Variants in ROS1 observed in about 807,000 individuals in gnomAD.
ROS1 encodes proto-oncogene tyrosine-protein kinase ROS.
In ROS1, 263 loss-of-function variants were observed where a neutral mutation model predicts 273.5. The ratio of observed to expected loss-of-function variants is 0.96; its 90% confidence interval spans 0.87 to 1.06. The LOEUF is 1.06. Ranked by LOEUF, ROS1 falls within the 50% of genes least tolerant of loss-of-function variation. The pLI is 0.00. For missense variants in ROS1, 2,833 were observed against 2,751.1 expected, an observed-to-expected ratio of 1.03 and a Z score of -0.67; for synonymous variants, 1,008 against 954.1, an observed-to-expected ratio of 1.06 and a Z score of -1.04.
chr6:117,413,166 A>AT (rs1775062041), intron 4 of ROS1, among the ~76,000 whole-genome samples: 2 of 152,270 alleles, frequency 1.3e-5, no homozygotes, highest in South Asian at 4.1e-4. Context: ...TTAAGAGGGA[A>AT]TTTTTTCTGT....
At position 117,341,644 on chromosome 6, in the gene ROS1, A is replaced by G; in HGVS notation, c.4652-12T>C. On this transcript the variant is annotated splice_polypyrimidine_tract_variant and intron_variant, in intron 29 of 43. Transcript: ENST00000368507. The stretch of plus-strand genomic sequence containing the variant: ...CACTGCCTCTGGTACTGAAATAAAT[A>G]GCAAGGAATGATAAAGGATGCTGCA... 9 of 1,591,262 alleles carry G rather than the reference A, an allele frequency of 5.7e-6. No homozygotes were observed. The highest frequency in any genetic ancestry group is 7.8e-6 in the Non-Finnish European group (9 of 1,159,792).
chr6:117,395,197 T>G (rs1203852903), intron 9 of ROS1, among the ~76,000 whole-genome samples: 1 of 152,154 alleles, frequency 6.6e-6, no homozygotes, highest in Admixed American at 6.5e-5. Flanking sequence ...GGAATGACAT[T>G]GGAAGGCTGC....
intron 18 of ROS1, among the ~76,000 whole-genome samples, chr6:117,367,737 A>T (rs1217245831): frequency 6.6e-6 from 1 of 152,212 alleles, no homozygotes; most frequent in Non-Finnish European, 1.5e-5. Flanking sequence ...TGAACCATCT[A>T]TTAAATGTGG....
At chr6:117,343,251 T>C (rs575570421) in intron 28 of ROS1, among the ~76,000 whole-genome samples, 2 of 152,320 alleles carry the variant, frequency 1.3e-5, no homozygotes, top group East Asian at 3.9e-4. Flanking sequence ...TGAAATTACT[T>C]ATTTTAGAAA....
intron 28 of ROS1, among the ~76,000 whole-genome samples, chr6:117,342,903 TA>T (rs990303087): frequency 1.3e-5 from 2 of 152,186 alleles, no homozygotes; most frequent in African/African-American, 4.8e-5. Context: ...ATTTTTATAG[TA>T]TCTAATCACT....
chr6:117,340,930 C>G (rs1777863189), intron 31 of ROS1, among the ~76,000 whole-genome samples: 1 of 151,950 alleles, frequency 6.6e-6, no homozygotes, highest in Admixed American at 6.6e-5. Context: ...TTACATAAAG[C>G]CTTTTAAAAG....
intron 39 of ROS1, among the ~76,000 whole-genome samples, chr6:117,312,216 C>T (rs1003344942): frequency 4.6e-5 from 7 of 152,088 alleles, no homozygotes; most frequent in African/African-American, 1.7e-4. Flanking sequence ...GAATGTGCTC[C>T]TGTTTCTTGA....
intron 7 of ROS1, 110 bp downstream of exon 7, chr6:117,403,029 T>C: frequency 1.6e-6 from 2 of 1,237,922 alleles, no homozygotes; most frequent in Non-Finnish European, 1.2e-6. Context: ...AGTTGTTGAA[T>C]GGATCGATTA....
chr6:117,290,363 T>C (rs1043609717), intron 43 of ROS1, among the ~76,000 whole-genome samples: 1 of 152,242 alleles, frequency 6.6e-6, no homozygotes, highest in African/African-American at 2.4e-5. Context: ...CAGCAATTAG[T>C]ACATCTTCTT....
At chr6:117,332,216 T>G (rs943085446) in intron 32 of ROS1, among the ~76,000 whole-genome samples, 2 of 148,718 alleles carry the variant, frequency 1.3e-5, no homozygotes, top group Admixed American at 6.7e-5. Context: ...CAAAACAGAC[T>G]TTAAACCAAC....
In ROS1 at chr6:117,356,630, G is replaced by A. The variant is rs745716185; in HGVS notation, c.4125C>T (p.Leu1375=). 2.0e-5 allele frequency: 32 copies of A among 1,608,854 alleles called. No homozygotes were observed. The East Asian group carries it at 2.0e-4, about 10-fold the overall frequency. The change falls in exon 26 of 44, where the codon CTC becomes CTT. Residue 1375 remains leucine (L), a splice_region_variant and synonymous_variant. Coordinates refer to ENST00000368507, the MANE Select transcript of ROS1 (RefSeq NM_001378902.1). ...CWRVITVPAM[L]GKTLVSLTVD... ...TGTGCACATACATCAGCATCTTACCGAGCATAGCAGGTACTGTGATAACTC... is the reference window on the plus strand; with the variant it reads ...TGTGCACATACATCAGCATCTTACCAAGCATAGCAGGTACTGTGATAACTC...
chr6:117,389,719 C>T lies in ROS1; in HGVS notation c.1417G>A (p.Ala473Thr), dbSNP rs1476515066. The change falls in exon 13 of 44, where the codon GCC becomes ACC. Residue 473 changes from alanine (A) to threonine (T), a missense_variant. Physicochemically the swap from Ala to Thr is moderately conservative, Grantham distance 58. Transcript: ENST00000368507. ...TLKDFAIKPQ[A>T]KRIIYFNDTA... ...TCATTGAAGTAAATGATTCGCTTGG[C>T]TTGTGGCTTGATTGCAAAGTCCTTT... The T allele has an allele frequency of 1.2e-6, 2 of 1,614,154 alleles. No homozygotes were observed. The highest frequency in any genetic ancestry group is 1.7e-6 in the Non-Finnish European group (2 of 1,180,040).
chr6:117,400,914 G>A (rs1773881956), intron 7 of ROS1, among the ~76,000 whole-genome samples: 1 of 152,026 alleles, frequency 6.6e-6, no homozygotes, highest in South Asian at 2.1e-4. Context: ...CCATTTAATT[G>A]CTTCCTCAGC....
chr6:117,400,166 G>A (rs1773828472), intron 7 of ROS1, among the ~76,000 whole-genome samples: 1 of 152,062 alleles, frequency 6.6e-6, no homozygotes, highest in South Asian at 2.1e-4. Context: ...TAGACACCTG[G>A]ACCTGCCCTT....
rs2128637679 is a variant in ROS1 at position 117,352,990 on chromosome 6, C to T, written c.4303G>A (p.Asp1435Asn). ...AYSSVMQPFP[D>N]KAFLSLASDT... The stretch of plus-strand genomic sequence containing the variant: ...CTGATTACGAATGTGACTTTATTAC[C>T]TGGAAAAGGCTGCATAACTGAACTG... Residue 1435 changes from aspartate to asparagine, a missense_variant and splice_region_variant, in exon 27 of 44, where the codon GAT becomes AAT. Coordinates refer to ENST00000368507, the MANE Select transcript of ROS1 (RefSeq NM_001378902.1). The T allele has an allele frequency of 1.2e-6, 2 of 1,609,300 alleles. No individual in the cohort carries two copies. The highest frequency in any genetic ancestry group is 1.7e-6 in the Non-Finnish European group (2 of 1,178,552).
At chr6:117,324,853 A>C (rs1256163527) in intron 34 of ROS1, among the ~76,000 whole-genome samples, 1 of 152,178 alleles carries the variant, frequency 6.6e-6, no homozygotes, top group Non-Finnish European at 1.5e-5. Context: ...AGTTGTGTAG[A>C]GGAAACAAAC....
At chr6:117,367,449 G>A (rs1196547468) in intron 18 of ROS1, among the ~76,000 whole-genome samples, 1 of 152,144 alleles carries the variant, frequency 6.6e-6, no homozygotes, top group Non-Finnish European at 1.5e-5. Context: ...CTCTGACACT[G>A]GCCTGTGTGG....
intron 9 of ROS1, among the ~76,000 whole-genome samples, chr6:117,395,110 C>A (rs3798385): frequency 0.35 from 52,799 of 151,824 alleles, 9,499 homozygotes; most frequent in African/African-American, 0.45. Context: ...GCATGACACA[C>A]ACATATTGTC....
In ROS1 at chr6:117,308,902, A is replaced by G. The variant is rs1278895252; in HGVS notation, c.6443T>C (p.Ile2148Thr). ...ATAAGGCTGATGACCAAGAGTTAAAATCTCCCAAATCAGAATTCCAAAAGA... is the reference window on the plus strand; with the variant it reads ...ATAAGGCTGATGACCAAGAGTTAAAGTCTCCCAAATCAGAATTCCAAAAGA... ...VWSFGILIWE[I>T]LTLGHQPYPA... The change falls in exon 42 of 44, where the codon ATT becomes ACT. Residue 2148 changes from isoleucine (I) to threonine (T), a missense_variant. By Grantham distance (89) the Ile-to-Thr change is moderately conservative (BLOSUM62 -1). Coordinates refer to ENST00000368507, the MANE Select transcript of ROS1 (RefSeq NM_001378902.1). 5 of 1,613,182 alleles carry G rather than the reference A, an allele frequency of 3.1e-6. No individual in the cohort carries two copies. The highest frequency in any genetic ancestry group is 3.3e-5 in the Admixed American group (2 of 59,858).
Sources: allele counts gnomAD v4.1 joint callset (sites outside exome capture counted in the v4.1 genomes callset), GRCh38; gene constraint gnomAD v4.1.1; transcripts MANE v1.5; gene names NCBI Gene and HGNC (gene_info 2026-07-23, HGNC 2026-07-21).